Variants in GOLGA4 observed in about 807,000 individuals in gnomAD.
GOLGA4 encodes the protein golgin A4.
A neutral mutation model predicts 265.9 loss-of-function variants in GOLGA4; 169 were observed. The ratio of observed to expected loss-of-function variants is 0.64; its 90% CI spans 0.56 to 0.72. The LOEUF is 0.72. Among genes scored for constraint, GOLGA4 ranks in the 30% least tolerant of loss-of-function variants. The probability of loss-of-function intolerance (pLI) is 0.00; values close to 1 mark genes in which losing one functional copy is unlikely to be tolerated. For synonymous variants in GOLGA4, 923 were observed against 855.8 expected (o/e 1.08, Z -1.37); for missense variants, 2,482 against 2,483.4 (o/e 1.00, Z 0.01).
Position 37,351,555 on chromosome 3 carries a change from G to A in GOLGA4, c.6577-3546G>A, listed in dbSNP as rs187484181. Among the ~76,000 whole-genome samples, 16 of 152,234 alleles carry A rather than the reference G, an allele frequency of 1.1e-4. No individual in the cohort carries two copies. In the East Asian group the frequency reaches 3.1e-3, roughly 29 times the overall value. On this transcript the variant is annotated intron_variant, in intron 21 of 23. Coordinates refer to ENST00000361924, the MANE Select transcript of GOLGA4 (RefSeq NM_002078.5). The stretch of plus-strand genomic sequence containing the variant: ...GGAATCATTACCTATGGCCACTATA[G>A]CCTTATAAAATATATTCCTTAAATA...
chr3:37,268,513 T>C (rs2096789576), intron 2 of GOLGA4, among the ~76,000 whole-genome samples: 1 of 152,158 alleles, frequency 6.6e-6, no homozygotes, highest in African/African-American at 2.4e-5. Context: ...GTCATTTGTA[T>C]TGAGTACTTA....
chr3:37,299,151 A>G, intron 8 of GOLGA4, 131 bp downstream of exon 8: 1 of 924,202 alleles, frequency 1.1e-6, no homozygotes, highest in Non-Finnish European at 1.7e-6. Context: ...GGCCTACATA[A>G]CACCAAACCT....
intron 2 of GOLGA4, among the ~76,000 whole-genome samples, chr3:37,253,455 C>G (rs1469219690): frequency 6.6e-6 from 1 of 152,000 alleles, no homozygotes; most frequent in East Asian, 1.9e-4. Context: ...TTAGATTGCA[C>G]TCTGTGGTCA....
At chr3:37,353,883 A>G (rs988277019) in intron 21 of GOLGA4, among the ~76,000 whole-genome samples, 6 of 151,970 alleles carry the variant, frequency 3.9e-5, no homozygotes, top group Admixed American at 2.6e-4. Flanking sequence ...GTTAGCCACC[A>G]TGCCCGACTG....
rs933111899 is a variant in GOLGA4 at position 37,324,218 on chromosome 3, C to T, written c.2332C>T (p.His778Tyr). The part of the protein sequence containing the change: ...RDKHLKEHQA[H>Y]VENLEADIKR... Reference sequence around the variant, plus strand: ...CAAGCATTTGAAAGAGCATCAGGCTCATGTAGAAAATTTAGAGGCAGATAT... The same window carrying T: ...CAAGCATTTGAAAGAGCATCAGGCTTATGTAGAAAATTTAGAGGCAGATAT... Residue 778 changes from histidine (H) to tyrosine (Y), a missense_variant, in exon 14 of 24, where the codon CAT (histidine) becomes TAT (tyrosine). By Grantham distance (83) the His-to-Tyr change is moderately conservative. Around this residue, in one of 3 missense-constraint regions of GOLGA4, gnomAD observed 1,536 missense variants for 1,483.7 expected, o/e 1.04. Coordinates refer to ENST00000361924, the MANE Select transcript of GOLGA4 (RefSeq NM_002078.5). The T allele has an allele frequency of 1.2e-6, 2 of 1,614,012 alleles. No homozygotes were observed. Among genetic ancestry groups the T allele is most frequent in the African/African-American group, 1.3e-5 (1 of 74,920 alleles).
chr3:37,338,972 C>T (rs113208173), intron 19 of GOLGA4, among the ~76,000 whole-genome samples: 25,960 of 151,546 alleles, frequency 0.17, 2,888 homozygotes, highest in East Asian at 0.3. Flanking sequence ...CACCATTCTC[C>T]TGCCTCAGCC....
chr3:37,354,838 G>A (rs1450305762), intron 21 of GOLGA4, among the ~76,000 whole-genome samples: 1 of 151,990 alleles, frequency 6.6e-6, no homozygotes, highest in Admixed American at 6.6e-5. Context: ...AAATAAAGGG[G>A]CCAAGAGCAT....
chr3:37,290,211 C>T (rs1354562422), intron 5 of GOLGA4, among the ~76,000 whole-genome samples: 2 of 151,796 alleles, frequency 1.3e-5, no homozygotes, highest in Non-Finnish European at 2.9e-5. Flanking sequence ...TGGGAGGAGG[C>T]AAAGAAGAAA....
intron 2 of GOLGA4, among the ~76,000 whole-genome samples, chr3:37,272,739 A>G (rs2096802172): frequency 6.6e-6 from 1 of 152,214 alleles, no homozygotes; most frequent in South Asian, 2.1e-4. Context: ...GAAATGCAAG[A>G]TGTAACTACT....
chr3:37,271,565 T>C (rs1281473612), intron 2 of GOLGA4, among the ~76,000 whole-genome samples: 1 of 152,180 alleles, frequency 6.6e-6, no homozygotes, highest in East Asian at 1.9e-4. Context: ...TAATAACTCA[T>C]GGCCATCTTG....
rs763641932 is a variant in GOLGA4, at chr3:37,298,993, A to C, written c.975A>C (p.Glu325Asp). ...AAGCTCTGCAAGAACAACTGGATGAAAGACTTCAAGAACTAGAAAAGATAA... is the reference window on the plus strand; with the variant it reads ...AAGCTCTGCAAGAACAACTGGATGACAGACTTCAAGAACTAGAAAAGATAA... ...EKEALQEQLD[E>D]RLQELEKIKD... is the part of the protein sequence containing the mutation. Residue 325 changes from glutamate (E) to aspartate (D), a missense_variant, in exon 8 of 24, where the codon GAA (glutamate) becomes GAC (aspartate). By Grantham distance (45) the Glu-to-Asp change is conservative. Transcript: ENST00000361924. The C allele has an allele frequency of 6.3e-7, 1 of 1,594,690 alleles. No individual in the cohort carries two copies. Among genetic ancestry groups the C allele is most frequent in the East Asian group, 2.2e-5 (1 of 44,810 alleles).
rs34740077 is a variant in GOLGA4, at chr3:37,323,615, GA to G, written c.1735del (p.Ser579AlafsTer56). 1.9e-6 allele frequency: 3 copies of G among 1,569,724 alleles called. No individual in the cohort carries two copies. The highest frequency in any genetic ancestry group is 4.1e-5 in the Admixed American group (2 of 48,302). ...AATTCTTGAATTGGAAAGTTCTTTG[GA>G]AAAAAGCTTACAAGAAAACAAAAAT... ...TRILELESSL[E>X]KSLQENKNQS... On this transcript the variant is annotated frameshift_variant, in exon 14 of 24. Transcript: ENST00000361924. LOFTEE classifies it high-confidence loss of function.
At chr3:37,284,664 CTT>C (rs75537927) in intron 3 of GOLGA4, among the ~76,000 whole-genome samples, 41 of 133,416 alleles carry the variant, frequency 3.1e-4, no homozygotes, top group Admixed American at 3.0e-4. Flanking sequence ...TCCATTGCTG[CTT>C]TTTTTTTTTT....
At chr3:37,352,038 C>T (rs1199164500) in intron 21 of GOLGA4, among the ~76,000 whole-genome samples, 1 of 151,776 alleles carries the variant, frequency 6.6e-6, no homozygotes, top group Admixed American at 6.6e-5. Context: ...AAGGCTGTTT[C>T]ATCTACACAG....
At chr3:37,272,461 T>C (rs2096801320) in intron 2 of GOLGA4, among the ~76,000 whole-genome samples, 1 of 152,138 alleles carries the variant, frequency 6.6e-6, no homozygotes, top group East Asian at 1.9e-4. Context: ...CCCTTGAGAC[T>C]GGGAGCTTGA....
At chr3:37,335,473 G>C (rs1278544493) in intron 17 of GOLGA4, among the ~76,000 whole-genome samples, 2 of 152,128 alleles carry the variant, frequency 1.3e-5, no homozygotes, top group Non-Finnish European at 2.9e-5. Context: ...AGAGGAAAGT[G>C]AATCTTATAA....
intron 22 of GOLGA4, among the ~76,000 whole-genome samples, chr3:37,360,340 G>A (rs2151085697): frequency 6.6e-6 from 1 of 152,200 alleles, no homozygotes; most frequent in African/African-American, 2.4e-5. Flanking sequence ...TACTTTACAA[G>A]CATAGACATA....
intron 10 of GOLGA4, among the ~76,000 whole-genome samples, chr3:37,312,567 G>C (rs2096925961): frequency 6.8e-6 from 1 of 147,492 alleles, no homozygotes; most frequent in Non-Finnish European, 1.5e-5. Context: ...TTGTCACCTA[G>C]GCTGGAGTGC....
intron 2 of GOLGA4, among the ~76,000 whole-genome samples, chr3:37,279,949 C>T (rs1416993113): frequency 1.3e-5 from 2 of 151,958 alleles, no homozygotes; most frequent in South Asian, 4.2e-4. Context: ...CAGAATGCCT[C>T]CTCCTTCCTA....
Sources: gnomAD v4.1 joint callset for allele counts (sites outside exome capture counted in the v4.1 genomes callset) on GRCh38, gnomAD v4.1.1 for gene constraint, gnomAD v4.1.1 regional missense constraint, MANE v1.5 for transcripts, NCBI Gene and HGNC (gene_info 2026-07-23, HGNC 2026-07-21) for gene names.